The following PSMB7 variants were observed in gnomAD, a reference collection of about 807,000 sequenced individuals.
PSMB7 encodes proteasome 20S subunit beta 7.
Under a neutral mutation model 28.1 loss-of-function variants are expected in PSMB7, and 5 were observed. The ratio of observed to expected loss-of-function variants is 0.18; its 90% CI spans 0.09 to 0.37. PSMB7 has a LOEUF of 0.37. PSMB7 is among the 10% of genes least tolerant of loss of function. PSMB7 has a pLI of 1.00. For synonymous variants in PSMB7, 122 were observed against 123.7 expected (o/e 0.99, Z 0.09); for missense variants, 275 against 346.2 (o/e 0.79, Z 1.63).
At chr9:124,387,202 C>T (rs966430548) in intron 5 of PSMB7, among the ~76,000 whole-genome samples, 3 of 152,078 alleles carry the variant, frequency 2.0e-5, no homozygotes, top group Admixed American at 6.5e-5. Flanking sequence ...GCCCAGATCG[C>T]GCAACTGCAC....
intron 6 of PSMB7, among the ~76,000 whole-genome samples, chr9:124,383,121 T>C (rs1482278662): frequency 6.6e-6 from 1 of 152,200 alleles, no homozygotes; most frequent in African/African-American, 2.4e-5. Flanking sequence ...GGGAACTTTT[T>C]TTCTTTTCTT....
intron 6 of PSMB7, among the ~76,000 whole-genome samples, chr9:124,380,859 T>TG (rs1830657100): frequency 6.6e-6 from 1 of 152,180 alleles, no homozygotes; most frequent in Admixed American, 6.5e-5. Context: ...GGCAGAAACC[T>TG]TAAATGTAGT....
intron 5 of PSMB7, chr9:124,396,700 A>G: frequency 2.3e-6 from 1 of 438,310 alleles, no homozygotes; most frequent in Non-Finnish European, 4.7e-6. Flanking sequence ...AATTTTATTC[A>G]TGTTAATTCT....
intron 6 of PSMB7, among the ~76,000 whole-genome samples, chr9:124,370,361 GAA>G (rs35515597): frequency 1.4e-5 from 2 of 141,728 alleles, no homozygotes. Flanking sequence ...GGCTGTCATG[GAA>G]AAAAAAAAAA....
At chr9:124,414,052 C>G (rs759718935) in intron 2 of PSMB7, 47 bp from the exon 3 acceptor site, 41 of 1,217,714 alleles carry the variant, frequency 3.4e-5, no homozygotes, top group Non-Finnish European at 4.6e-5. Flanking sequence ...TATAAGCCAA[C>G]CGCAACTCTC....
intron 5 of PSMB7, among the ~76,000 whole-genome samples, chr9:124,385,372 T>C (rs148443101): frequency 2.0e-5 from 3 of 152,356 alleles, no homozygotes; most frequent in East Asian, 1.9e-4. Flanking sequence ...AGCAAATTTA[T>C]CCCTACAAAA....
chr9:124,395,713 C>T (rs1400828019), intron 5 of PSMB7, among the ~76,000 whole-genome samples: 1 of 152,154 alleles, frequency 6.6e-6, no homozygotes, highest in Non-Finnish European at 1.5e-5. Context: ...AAAAAAGTAG[C>T]TTCATTTTAG....
intron 5 of PSMB7, among the ~76,000 whole-genome samples, chr9:124,399,795 C>T (rs1249311468): frequency 6.6e-6 from 1 of 152,156 alleles, no homozygotes; most frequent in Non-Finnish European, 1.5e-5. Flanking sequence ...ACCGCCACCA[C>T]CACTGGATTC....
chr9:124,401,407 CTA>C (rs1181499691), intron 5 of PSMB7, among the ~76,000 whole-genome samples: 1 of 152,264 alleles, frequency 6.6e-6, no homozygotes, highest in Non-Finnish European at 1.5e-5. Context: ...CCTCACAAGA[CTA>C]TAGGCTCTGA....
intron 5 of PSMB7, among the ~76,000 whole-genome samples, chr9:124,385,086 T>C (rs907762660): frequency 6.6e-6 from 1 of 152,216 alleles, no homozygotes; most frequent in Non-Finnish European, 1.5e-5. Flanking sequence ...AAAGAAAAGA[T>C]TGTTTTAATG....
At chr9:124,411,653 A>G (rs928711249) in intron 4 of PSMB7, among the ~76,000 whole-genome samples, 21 of 152,238 alleles carry the variant, frequency 1.4e-4, no homozygotes, top group Non-Finnish European at 1.3e-4. Flanking sequence ...ACAAACATAA[A>G]GTAATGACGC....
At chr9:124,405,218 T>C in intron 5 of PSMB7, 99 bp downstream of exon 5, 1 of 774,832 alleles carries the variant, frequency 1.3e-6, no homozygotes, top group Non-Finnish European at 2.1e-6. Context: ...CAAAGCATTG[T>C]ATTGCACCTC....
At chr9:124,369,027 G>T (rs1035942285) in intron 6 of PSMB7, among the ~76,000 whole-genome samples, 2 of 152,120 alleles carry the variant, frequency 1.3e-5, no homozygotes, top group African/African-American at 2.4e-5. Context: ...CAAAGTTAAT[G>T]AGTCTTTATG....
chr9:124,361,724 A>G (rs1830466719), intron 6 of PSMB7, among the ~76,000 whole-genome samples: 1 of 152,254 alleles, frequency 6.6e-6, no homozygotes, highest in Admixed American at 6.5e-5. Flanking sequence ...TCACTGCAAC[A>G]TCATAGGAGA....
At chr9:124,378,107 T>C (rs1830631526) in intron 6 of PSMB7, among the ~76,000 whole-genome samples, 1 of 152,220 alleles carries the variant, frequency 6.6e-6, no homozygotes, top group Non-Finnish European at 1.5e-5. Context: ...CAGCTGCCAC[T>C]GCAGATCTGA....
At chr9:124,415,133 T>C in intron 1 of PSMB7, 198 bp from the exon 2 acceptor site, 2 of 631,036 alleles carry the variant, frequency 3.2e-6, no homozygotes, top group East Asian at 2.7e-5. Context: ...TGACGTGCCT[T>C]AGGAGACGGA....
At chr9:124,367,342 G>A (rs1184960022) in intron 6 of PSMB7, among the ~76,000 whole-genome samples, 1 of 152,114 alleles carries the variant, frequency 6.6e-6, no homozygotes, top group Non-Finnish European at 1.5e-5. Context: ...GGTGGTTGAT[G>A]AGAAGACAAT....
intron 6 of PSMB7, among the ~76,000 whole-genome samples, chr9:124,377,293 G>A (rs907075080): frequency 5.3e-5 from 8 of 152,132 alleles, no homozygotes; most frequent in Non-Finnish European, 7.3e-5. Context: ...GACCTGCAGC[G>A]CAATCCTCTA....
At chr9:124,360,298 A>G (rs1263662023) in intron 6 of PSMB7, among the ~76,000 whole-genome samples, 1 of 152,250 alleles carries the variant, frequency 6.6e-6, no homozygotes, top group African/African-American at 2.4e-5. Context: ...TAAGCGCAAG[A>G]AGCACTGTCT....
Sources: allele counts gnomAD v4.1 joint callset (sites outside exome capture counted in the v4.1 genomes callset), GRCh38; gene constraint gnomAD v4.1.1; transcripts MANE v1.5; gene names NCBI Gene and HGNC (gene_info 2026-07-23, HGNC 2026-07-21).